The following CHD5 variants were observed in gnomAD, a reference collection of about 807,000 sequenced individuals.
The protein encoded by CHD5 is chromodomain helicase DNA binding protein 5.
A neutral mutation model predicts 230.3 loss-of-function variants in CHD5; 69 were observed. The observed-to-expected ratio is 0.30, with a 90% confidence interval of 0.25 to 0.37. The LOEUF (loss-of-function observed/expected upper bound fraction) is 0.37, where lower values mean the gene tolerates loss of function less well. CHD5 is among the 10% of genes least tolerant of loss of function. The pLI is 1.00. For missense variants in CHD5, 1,827 were observed against 2,622.8 expected (o/e 0.70, Z 6.63); for synonymous variants, 1,064 against 1,065.9 (o/e 1.00, Z 0.03).
In CHD5 at chr1:6,134,110, T is replaced by A; in HGVS notation, c.3144+18A>T. 1 of 1,260,276 alleles carries A rather than the reference T, an allele frequency of 7.9e-7. No individual in the cohort carries two copies. Among genetic ancestry groups the A allele is most frequent in the Middle Eastern group, 2.1e-4 (1 of 4,850 alleles). 78.1% of individuals were successfully genotyped at this position (1,260,276 alleles called of 1,614,324 possible). A position where few individuals can be genotyped will look rare whatever the true frequency, so the allele number is the denominator to read the frequency against. ...GTGGGGTGTGGAGCCGGGGCGGGGG[T>A]GGGCAGGGGCAGCGCACCTGGGAGA... is the stretch of plus-strand genomic sequence containing the variant. On this transcript the variant is annotated intron_variant, in intron 20 of 41. Transcript: ENST00000262450. This position sits in a 1 kb window ranked among gnomAD's most constrained non-coding sequence, Gnocchi z 6.3.
At chr1:6,148,735 A>T in intron 9 of CHD5, 119 bp downstream of exon 9, 1 of 692,116 alleles carries the variant, frequency 1.4e-6, no homozygotes, top group South Asian at 2.9e-5. Context: ...TCGGCTACCG[A>T]GGCGGGGCAG....
At chr1:6,179,859 C>T in intron 1 of CHD5, 86 bp downstream of exon 1, 1 of 542,698 alleles carries the variant, frequency 1.8e-6, no homozygotes, top group Non-Finnish European at 2.1e-6. Flanking sequence ...GGCCGCGCCG[C>T]CCCCGCCGCC....
At position 6,106,759 on chromosome 1, in the gene CHD5, G is replaced by T; in HGVS notation, c.5599C>A (p.Leu1867Met). 1 of 1,611,226 alleles carries T rather than the reference G, an allele frequency of 6.2e-7. No individual in the cohort carries two copies. The highest frequency in any genetic ancestry group is 8.5e-7 in the Non-Finnish European group (1 of 1,179,506). ...ACGTCGGCCTTCATGTCGCTCAGCA[G>T]CTCCTCCAGCTGGTTCAGGACTGTG... ...LHKVLNQLEE[L>M]LSDMKADVTR... is the part of the protein sequence containing the mutation. The change falls in exon 39 of 42, where the codon CTG (leucine) becomes ATG (methionine). Residue 1867 changes from leucine to methionine, a missense_variant. Leu to Met is a conservative substitution (Grantham distance 15). This residue lies in a region of CHD5 where 208 missense variants were observed against 302.0 expected (regional missense o/e 0.69). Transcript: ENST00000262450.
Position 6,130,762 on chromosome 1 carries a change from G to A in CHD5, c.3263-434C>T, listed in dbSNP as rs1421537387. Among the ~76,000 whole-genome samples, 9 of 152,176 alleles carry A rather than the reference G, an allele frequency of 5.9e-5. No homozygotes were observed. Among genetic ancestry groups the A allele is most frequent in the Admixed American group, 5.9e-4 (9 of 15,284 alleles). On this transcript the variant is annotated intron_variant, in intron 21 of 41. Coordinates refer to ENST00000262450, the MANE Select transcript of CHD5 (RefSeq NM_015557.3). The surrounding 1 kb of genome is among the most constrained non-coding windows in gnomAD (Gnocchi z 4.9). Reference sequence around the variant, plus strand: ...TCAGGGGCGCAGCTCCGGGACCTGGGGTCCCACCCCACTGGGCAACCCTGT... The same window carrying A: ...TCAGGGGCGCAGCTCCGGGACCTGGAGTCCCACCCCACTGGGCAACCCTGT...
In CHD5 at chr1:6,123,222, T is replaced by C. The variant is rs184028466; in HGVS notation, c.4699+726A>G. Among the ~76,000 whole-genome samples, 281 of 152,218 alleles carry C rather than the reference T, an allele frequency of 1.8e-3. 1 individual carries two copies. The highest frequency in any genetic ancestry group is 5.9e-3 in the African/African-American group (244 of 41,522). ...AAGCCAGACAGAAAGGCCCACGCAC[T>C]GTGCAGTGCCATATACACGAACCAT... is the stretch of plus-strand genomic sequence containing the variant. On this transcript the variant is annotated intron_variant, in intron 31 of 41. Transcript: ENST00000262450.
At position 6,155,514 on chromosome 1, in the gene CHD5, G is replaced by C. The variant is rs192332710; in HGVS notation, c.506+85C>G. The C allele has an allele frequency of 5.0e-6, 6 of 1,205,008 alleles. No individual in the cohort carries two copies. The African/African-American group carries it at 6.0e-5, about 12-fold the overall frequency. The allele number at this position is 1,205,008 out of a possible 1,614,324, so 74.6% of individuals were successfully genotyped here. A position where few individuals can be genotyped will look rare whatever the true frequency, so the allele number is the denominator to read the frequency against. On this transcript the variant is annotated intron_variant, in intron 4 of 41. Coordinates refer to ENST00000262450, the MANE Select transcript of CHD5 (RefSeq NM_015557.3). This position sits in a 1 kb window ranked among gnomAD's most constrained non-coding sequence, Gnocchi z 4.0. ...AGAGCCCACCCCTACCCCAGGTGCCGGGGCTTCACTCCTCTGCCTCCCTCC... is the reference window on the plus strand; with the variant it reads ...AGAGCCCACCCCTACCCCAGGTGCCCGGGCTTCACTCCTCTGCCTCCCTCC...
chr1:6,158,981 T>C (rs1571166461), intron 3 of CHD5, among the ~76,000 whole-genome samples: 1 of 105,918 alleles, frequency 9.4e-6, no homozygotes, highest in African/African-American at 4.1e-5. Flanking sequence ...CACTCCAGCC[T>C]GGGCGACAGA....
At chr1:6,117,210 T>C (rs965024275) in intron 33 of CHD5, among the ~76,000 whole-genome samples, 6 of 152,088 alleles carry the variant, frequency 3.9e-5, no homozygotes, top group Admixed American at 1.3e-4. Flanking sequence ...CAGAATTCCA[T>C]CCACATATCT....
chr1:6,149,481 C>T, intron 7 of CHD5, 69 bp from the exon 8 acceptor site: 1 of 1,499,050 alleles, frequency 6.7e-7, no homozygotes, highest in South Asian at 1.3e-5. Flanking sequence ...ACTGCATCGC[C>T]CCAGGCCAGA....
chr1:6,110,001 G>T lies in CHD5; in HGVS notation c.5383-11C>A, dbSNP rs1394984103. 6.6e-7 allele frequency: 1 copy of T among 1,522,548 alleles called. No homozygotes were observed. The highest frequency in any genetic ancestry group is 8.8e-7 in the Non-Finnish European group (1 of 1,138,456). The allele number at this position is 1,522,548 out of a possible 1,614,324, so 94.3% of individuals were successfully genotyped here. A position where few individuals can be genotyped will look rare whatever the true frequency, so the allele number is the denominator to read the frequency against. ...CGCCTGCTCCAGCAGCTGGGGGCGG[G>T]GCGCAGCGTCGGCCCGGCCCCTCCC... On this transcript the variant is annotated splice_polypyrimidine_tract_variant and intron_variant, in intron 37 of 41. Coordinates refer to ENST00000262450, the MANE Select transcript of CHD5 (RefSeq NM_015557.3).
rs1329863708 is a variant in CHD5 at position 6,109,997 on chromosome 1, G to A, written c.5383-7C>T. On this transcript the variant is annotated splice_region_variant and splice_polypyrimidine_tract_variant and intron_variant, in intron 37 of 41. Coordinates refer to ENST00000262450, the MANE Select transcript of CHD5 (RefSeq NM_015557.3). ...CCAACGCCTGCTCCAGCAGCTGGGG[G>A]CGGGGCGCAGCGTCGGCCCGGCCCC... The A allele has an allele frequency of 3.9e-6, 6 of 1,524,124 alleles. No individual in the cohort carries two copies. The highest frequency in any genetic ancestry group is 2.8e-5 in the African/African-American group (2 of 71,894). The allele number at this position is 1,524,124 out of a possible 1,614,324, so 94.4% of individuals were successfully genotyped here.
Position 6,109,776 on chromosome 1 carries a change from G to C in CHD5, c.5578+19C>G, listed in dbSNP as rs778288361. 6.2e-6 allele frequency: 10 copies of C among 1,605,998 alleles called. No individual in the cohort carries two copies. In the East Asian group the frequency reaches 1.8e-4, roughly 29 times the overall value. On this transcript the variant is annotated intron_variant, in intron 38 of 41. Transcript: ENST00000262450. The stretch of plus-strand genomic sequence containing the variant: ...AGGAAGGGCGGGGGGCTGCACCGTG[G>C]GGGGCAGGACTTGCTCACCCTTGTG...
chr1:6,123,453 T>C (rs1343451941), intron 31 of CHD5, among the ~76,000 whole-genome samples: 2 of 150,616 alleles, frequency 1.3e-5, no homozygotes, highest in African/African-American at 4.9e-5. Flanking sequence ...TGAGATGGAG[T>C]CTTGCTTTGT....
In CHD5 at chr1:6,130,364, G is replaced by A. The variant is rs369240510; in HGVS notation, c.3263-36C>T. On this transcript the variant is annotated intron_variant, in intron 21 of 41. Coordinates refer to ENST00000262450, the MANE Select transcript of CHD5 (RefSeq NM_015557.3). The surrounding 1 kb of genome is among the most constrained non-coding windows in gnomAD (Gnocchi z 4.9). ...GAGGCCAGCAGATGGGAGTGTTTGG[G>A]GGGGTACACCTTGGGTGGGCAGAAA... 2.5e-6 allele frequency: 4 copies of A among 1,607,484 alleles called. No individual in the cohort carries two copies. The highest frequency in any genetic ancestry group is 2.7e-5 in the African/African-American group (2 of 74,870).
At position 6,110,439 on chromosome 1, in the gene CHD5, G is replaced by A; in HGVS notation, c.5337C>T (p.Gly1779=). The change falls in exon 37 of 42, where the codon GGC becomes GGT. Residue 1779 remains glycine (G), a synonymous_variant. Transcript: ENST00000262450. ...ACTTGTTCTTCATCTCCAGGTAGTT[G>A]CCCTTGTGGACCTCAGACTTGAAGG... The part of the protein sequence containing the change: ...NEPFKSEVHK[G]NYLEMKNKFL... 6.2e-7 allele frequency: 1 copy of A among 1,614,070 alleles called. No homozygotes were observed. Among genetic ancestry groups the A allele is most frequent in the Non-Finnish European group, 8.5e-7 (1 of 1,180,026 alleles).
At chr1:6,159,034 G>A (rs1323048380) in intron 3 of CHD5, among the ~76,000 whole-genome samples, 3 of 148,160 alleles carry the variant, frequency 2.0e-5, no homozygotes, top group African/African-American at 7.6e-5. Context: ...AAAGAGATGG[G>A]GACCATCCTG....
At position 6,146,768 on chromosome 1, in the gene CHD5, C is replaced by T. The variant is rs201587240; in HGVS notation, c.1487G>A (p.Ser496Asn). 13 of 1,605,790 alleles carry T rather than the reference C, an allele frequency of 8.1e-6. No individual in the cohort carries two copies. The East Asian group carries it at 2.9e-4, about 36-fold the overall frequency. Residue 496 changes from serine to asparagine, a missense_variant, in exon 10 of 42, where the codon AGC becomes AAC. By Grantham distance (46) the Ser-to-Asn change is conservative. Transcript: ENST00000262450. This position sits in a 1 kb window ranked among gnomAD's most constrained non-coding sequence, Gnocchi z 5.1. ...CTCCAGGGGCTTAGGTGGAGGGAGG[C>T]TGGGCTCCACGTCAGGCCCCGGCAG... ...VGLPGPDVEP[S>N]LPPPKPLEGI...
chr1:6,127,459 C>G (rs909536830), intron 25 of CHD5, among the ~76,000 whole-genome samples: 1 of 151,070 alleles, frequency 6.6e-6, no homozygotes, highest in Admixed American at 6.6e-5. Context: ...GCACTCCAGC[C>G]GGGGCGACAG....
Position 6,154,906 on chromosome 1 carries a change from G to C in CHD5, c.507-8C>G, listed in dbSNP as rs766339471. The C allele has an allele frequency of 4.3e-6, 7 of 1,611,582 alleles. No homozygotes were observed. The highest frequency in any genetic ancestry group is 2.2e-5 in the East Asian group (1 of 44,828). On this transcript the variant is annotated splice_region_variant and splice_polypyrimidine_tract_variant and intron_variant, in intron 4 of 41. Transcript: ENST00000262450. This position sits in a 1 kb window ranked among gnomAD's most constrained non-coding sequence, Gnocchi z 7.0. ...TTCTTGGCAATGAGTGGCCTGTAGG[G>C]GGAGAGGCAGGAGGGTGAGGGCAAG...
Sources: allele counts gnomAD v4.1 joint callset (sites outside exome capture counted in the v4.1 genomes callset), GRCh38; gene constraint gnomAD v4.1.1; regional missense constraint gnomAD v4.1.1; non-coding constraint Gnocchi (gnomAD v3.1); transcripts MANE v1.5; gene names NCBI Gene and HGNC (gene_info 2026-07-23, HGNC 2026-07-21).